Variants in CNTNAP5 observed in about 807,000 individuals in gnomAD.
CNTNAP5 encodes contactin-associated protein-like 5.
Under a neutral mutation model 150.2 loss-of-function variants are expected in CNTNAP5, and 72 were observed. The observed-to-expected ratio is 0.48, with a 90% CI of 0.40 to 0.58. The LOEUF (loss-of-function observed/expected upper bound fraction) is 0.58, where lower values mean the gene tolerates loss of function less well. Ranked by LOEUF, CNTNAP5 falls within the 20% of genes least tolerant of loss-of-function variation. The pLI, the probability that CNTNAP5 is intolerant of heterozygous loss-of-function variation, is 0.00. For synonymous variants in CNTNAP5, 672 were observed against 619.8 expected (o/e 1.08, Z -1.25); for missense variants, 1,636 against 1,626.2 (o/e 1.01, Z -0.10).
chr2:124,874,276 AAG>A (rs905741283), intron 21 of CNTNAP5, among the ~76,000 whole-genome samples: 7 of 152,048 alleles, frequency 4.6e-5, no homozygotes, highest in African/African-American at 1.7e-4. Flanking sequence ...ATAACATTAA[AAG>A]AGAGAGAGAG....
At chr2:124,179,220 C>T (rs1019707051) in intron 1 of CNTNAP5, among the ~76,000 whole-genome samples, 4 of 152,100 alleles carry the variant, frequency 2.6e-5, no homozygotes, top group Admixed American at 1.3e-4. Context: ...ACAGCAGTAG[C>T]GTGATCTCAG....
At chr2:124,327,094 C>T (rs955595004) in intron 3 of CNTNAP5, among the ~76,000 whole-genome samples, 11 of 150,100 alleles carry the variant, frequency 7.3e-5, no homozygotes, top group Non-Finnish European at 1.5e-4. Context: ...GATTCTCCTG[C>T]CTCAGCCTCC....
At chr2:124,033,755 CT>C (rs1209248649) in intron 1 of CNTNAP5, among the ~76,000 whole-genome samples, 1 of 152,182 alleles carries the variant, frequency 6.6e-6, no homozygotes, top group African/African-American at 2.4e-5. Flanking sequence ...CCAAACAACC[CT>C]TCTGCTAACT....
At chr2:124,393,900 T>G (rs895075930) in intron 3 of CNTNAP5, among the ~76,000 whole-genome samples, 4 of 152,216 alleles carry the variant, frequency 2.6e-5, no homozygotes, top group African/African-American at 4.8e-5. Context: ...TATATACGAA[T>G]GAACAACACT....
chr2:124,293,816 C>A (rs557712441), intron 3 of CNTNAP5, among the ~76,000 whole-genome samples: 9 of 151,916 alleles, frequency 5.9e-5, no homozygotes, highest in East Asian at 5.8e-4. Context: ...AGAGACTGAC[C>A]AATCTCACCT....
At chr2:124,752,335 G>T (rs780263586) in intron 14 of CNTNAP5, among the ~76,000 whole-genome samples, 1 of 152,064 alleles carries the variant, frequency 6.6e-6, no homozygotes, top group Non-Finnish European at 1.5e-5. Context: ...GACTATAGGT[G>T]CATTCAACCA....
intron 19 of CNTNAP5, among the ~76,000 whole-genome samples, chr2:124,810,887 G>A (rs543175968): frequency 3.3e-5 from 5 of 152,092 alleles, no homozygotes; most frequent in South Asian, 2.1e-4. Flanking sequence ...TGAGGGATGC[G>A]GCAAAACATC....
chr2:124,049,074 A>T (rs911270600), intron 1 of CNTNAP5, among the ~76,000 whole-genome samples: 1 of 152,088 alleles, frequency 6.6e-6, no homozygotes, highest in South Asian at 2.1e-4. Flanking sequence ...TCATCTCACG[A>T]CCCAGGCTTG....
At chr2:124,500,088 AT>A (rs1694242015) in intron 7 of CNTNAP5, among the ~76,000 whole-genome samples, 1 of 152,050 alleles carries the variant, frequency 6.6e-6, no homozygotes, top group African/African-American at 2.4e-5. Flanking sequence ...CTTCCTGTGC[AT>A]TTTACTCTAT....
intron 13 of CNTNAP5, among the ~76,000 whole-genome samples, chr2:124,687,400 G>A (rs1014633207): frequency 2.6e-5 from 4 of 151,918 alleles, no homozygotes; most frequent in South Asian, 2.1e-4. Context: ...CAGTTATTAA[G>A]CATTTCATTA....
intron 1 of CNTNAP5, among the ~76,000 whole-genome samples, chr2:124,133,002 T>C (rs1243461110): frequency 6.6e-6 from 1 of 152,128 alleles, no homozygotes; most frequent in Non-Finnish European, 1.5e-5. Flanking sequence ...ATAACCACAA[T>C]AATAATAGGA....
intron 3 of CNTNAP5, among the ~76,000 whole-genome samples, chr2:124,323,921 G>C (rs147138232): frequency 5.9e-5 from 9 of 152,130 alleles, no homozygotes; most frequent in African/African-American, 1.7e-4. Flanking sequence ...GAGAAAGAGA[G>C]CAATAGAGAT....
At chr2:124,655,987 G>GAAAT (rs1678443832) in intron 13 of CNTNAP5, among the ~76,000 whole-genome samples, 2 of 128,110 alleles carry the variant, frequency 1.6e-5, no homozygotes, top group Non-Finnish European at 3.2e-5. Context: ...AAGAAAGAAA[G>GAAAT]AAAGAAAGAA....
chr2:124,318,701 C>T (rs1332292095), intron 3 of CNTNAP5, among the ~76,000 whole-genome samples: 1 of 152,108 alleles, frequency 6.6e-6, no homozygotes, highest in Non-Finnish European at 1.5e-5. Context: ...AATATTTTAG[C>T]TCAATCCAAT....
chr2:124,741,035 A>G (rs1680487384), intron 13 of CNTNAP5, among the ~76,000 whole-genome samples: 1 of 152,202 alleles, frequency 6.6e-6, no homozygotes, highest in Admixed American at 6.5e-5. Context: ...ACCCACTGCC[A>G]CATGTATTTG....
intron 13 of CNTNAP5, among the ~76,000 whole-genome samples, chr2:124,700,108 CA>C (rs1679491524): frequency 6.6e-6 from 1 of 152,196 alleles, no homozygotes; most frequent in East Asian, 1.9e-4. Context: ...TGAATAAAAC[CA>C]CTCAATAAAT....
chr2:124,771,231 G>C (rs1339512383), intron 16 of CNTNAP5, among the ~76,000 whole-genome samples: 3 of 152,166 alleles, frequency 2.0e-5, no homozygotes, highest in South Asian at 2.1e-4. Flanking sequence ...CCTATTTTAG[G>C]GGGTAGAGGA....
intron 11 of CNTNAP5, among the ~76,000 whole-genome samples, chr2:124,590,594 G>T (rs1696657507): frequency 6.6e-6 from 1 of 152,184 alleles, no homozygotes; most frequent in South Asian, 2.1e-4. Context: ...AATGCAAAAT[G>T]CTTCACAAGC....
chr2:124,638,657 T>C (rs1678023666), intron 12 of CNTNAP5, among the ~76,000 whole-genome samples: 1 of 152,208 alleles, frequency 6.6e-6, no homozygotes, highest in South Asian at 2.1e-4. Context: ...TTTGCTCTCA[T>C]TCCTATTGCC....
Sources: allele counts gnomAD v4.1 joint callset (sites outside exome capture counted in the v4.1 genomes callset), GRCh38; gene constraint gnomAD v4.1.1; transcripts MANE v1.5; gene names NCBI Gene and HGNC (gene_info 2026-07-23, HGNC 2026-07-21).